The following UMAD1 variants were observed in gnomAD, a reference collection of about 807,000 sequenced individuals.
UMAD1 encodes UBAP1-MVB12-associated (UMA)-domain containing protein 1.
Under a neutral mutation model 6.1 loss-of-function variants are expected in UMAD1, and 8 were observed. The ratio of observed to expected loss-of-function variants is 1.30; its 90% CI spans 0.76 to 2.35. UMAD1 has a LOEUF of 2.35. UMAD1 is among the 30% of genes most tolerant of loss of function. The pLI, the probability that UMAD1 is intolerant of heterozygous loss-of-function variation, is 0.00. For synonymous variants in UMAD1, 56 were observed against 31.4 expected (o/e 1.78, Z -2.61); for missense variants, 130 against 78.4 (o/e 1.66, Z -2.49).
At chr7:7,756,959 A>C (rs1583802563) in intron 2 of UMAD1, among the ~76,000 whole-genome samples, 1 of 152,226 alleles carries the variant, frequency 6.6e-6, no homozygotes, top group Admixed American at 6.5e-5. Flanking sequence ...CTGAGAGGGA[A>C]GTACCAGTTT....
rs1290111075 is a variant in UMAD1 at position 7,737,996 on chromosome 7, A to G, written c.83-63674A>G. ...ACTTTGTCCTGCTAGTCACCTTAAA[A>G]CAGACAGCATAACCTAGTTTTTCAT... On this transcript the variant is annotated intron_variant, in intron 2 of 3. Coordinates refer to ENST00000682710, the MANE Select transcript of UMAD1 (RefSeq NM_001302348.2). Among the ~76,000 whole-genome samples, 4 of 152,336 alleles carry G rather than the reference A, an allele frequency of 2.6e-5. No individual in the cohort carries two copies. The East Asian group carries it at 7.7e-4, about 29-fold the overall frequency.
Position 7,764,618 on chromosome 7 carries a change from T to C in UMAD1, c.83-37052T>C, listed in dbSNP as rs192973434. Among the ~76,000 whole-genome samples, 4 of 152,320 alleles carry C rather than the reference T, an allele frequency of 2.6e-5. No homozygotes were observed. The East Asian group carries it at 7.7e-4, about 29-fold the overall frequency. On this transcript the variant is annotated intron_variant, in intron 2 of 3. Transcript: ENST00000682710. Reference sequence around the variant, plus strand: ...GATCACTTGAGGTAAGTTTGGACTGTATGAGGAACTCCATTAGGTAACAGT... The same window carrying C: ...GATCACTTGAGGTAAGTTTGGACTGCATGAGGAACTCCATTAGGTAACAGT...
intron 2 of UMAD1, among the ~76,000 whole-genome samples, chr7:7,687,812 T>C (rs369473452): frequency 5.4e-4 from 83 of 152,354 alleles, no homozygotes; most frequent in African/African-American, 1.9e-3. Context: ...GTGTTACTGA[T>C]TTAAAGGAGT....
intron 2 of UMAD1, among the ~76,000 whole-genome samples, chr7:7,749,684 G>T (rs1055305515): frequency 6.6e-6 from 1 of 152,046 alleles, no homozygotes; most frequent in Non-Finnish European, 1.5e-5. Flanking sequence ...GTTGATATTT[G>T]CTGTGATCTA....
intron 3 of UMAD1, among the ~76,000 whole-genome samples, chr7:7,838,883 G>A (rs1370027715): frequency 6.6e-6 from 1 of 152,068 alleles, no homozygotes; most frequent in African/African-American, 2.4e-5. Flanking sequence ...AAAGCTATCC[G>A]ATATATTATT....
intron 2 of UMAD1, among the ~76,000 whole-genome samples, chr7:7,778,226 T>TTGTGTGTGTGTGTG (rs61647575): frequency 7.9e-6 from 1 of 126,396 alleles, no homozygotes; most frequent in Non-Finnish European, 1.6e-5. Context: ...AAAACTGGTT[T>TTGTGTGTGTGTGTG]TGTGTGTGTG....
At chr7:7,682,538 A>G (rs1424758756) in intron 2 of UMAD1, among the ~76,000 whole-genome samples, 1 of 152,172 alleles carries the variant, frequency 6.6e-6, no homozygotes, top group African/African-American at 2.4e-5. Flanking sequence ...CATTCTAAGG[A>G]ATGAGGGACA....
At chr7:7,815,394 T>C (rs893213681) in intron 3 of UMAD1, among the ~76,000 whole-genome samples, 4 of 152,204 alleles carry the variant, frequency 2.6e-5, no homozygotes, top group Admixed American at 1.3e-4. Flanking sequence ...TTAAAAATCA[T>C]GCCAGAGTAG....
intron 1 of UMAD1, among the ~76,000 whole-genome samples, chr7:7,654,977 A>G (rs1464416270): frequency 6.6e-6 from 1 of 151,780 alleles, no homozygotes; most frequent in Non-Finnish European, 1.5e-5. Flanking sequence ...TTTGCTTCAT[A>G]GTAGGATTGC....
At chr7:7,840,787 A>G (rs1365529953) in intron 3 of UMAD1, among the ~76,000 whole-genome samples, 5 of 152,224 alleles carry the variant, frequency 3.3e-5, no homozygotes, top group South Asian at 2.1e-4. Context: ...CTAGTTTTAG[A>G]TGATCATCAA....
At chr7:7,713,401 T>G (rs1437397104) in intron 2 of UMAD1, among the ~76,000 whole-genome samples, 1 of 151,604 alleles carries the variant, frequency 6.6e-6, no homozygotes, top group African/African-American at 2.4e-5. Flanking sequence ...AGACAGAGTT[T>G]TTTTTTTTTT....
At chr7:7,726,783 G>A (rs1563158403) in intron 2 of UMAD1, among the ~76,000 whole-genome samples, 1 of 152,188 alleles carries the variant, frequency 6.6e-6, no homozygotes, top group Non-Finnish European at 1.5e-5. Flanking sequence ...ATTGCCAGCT[G>A]TACCCTTTGG....
At chr7:7,665,066 C>T (rs571104445) in intron 1 of UMAD1, among the ~76,000 whole-genome samples, 1 of 152,194 alleles carries the variant, frequency 6.6e-6, no homozygotes, top group African/African-American at 2.4e-5. Context: ...TGTCTATAGA[C>T]AGTAGCTGCA....
At chr7:7,699,342 A>C (rs1780401411) in intron 2 of UMAD1, among the ~76,000 whole-genome samples, 1 of 152,134 alleles carries the variant, frequency 6.6e-6, no homozygotes, top group Non-Finnish European at 1.5e-5. Context: ...TGCTTTAATC[A>C]CTCATAAACT....
intron 3 of UMAD1, among the ~76,000 whole-genome samples, chr7:7,818,825 C>T (rs138013183): frequency 2.1e-3 from 316 of 152,228 alleles, no homozygotes; most frequent in Middle Eastern, 0.01. Context: ...TTTGTAGAGA[C>T]AGGGTTTTGC....
At chr7:7,701,394 A>G (rs1047833993) in intron 2 of UMAD1, among the ~76,000 whole-genome samples, 5 of 141,386 alleles carry the variant, frequency 3.5e-5, no homozygotes, top group Middle Eastern at 3.4e-3. Flanking sequence ...CAGACAATCT[A>G]TGTGACATTT....
intron 2 of UMAD1, among the ~76,000 whole-genome samples, chr7:7,703,957 A>T (rs1054437841): frequency 1.3e-5 from 2 of 152,092 alleles, no homozygotes; most frequent in Non-Finnish European, 2.9e-5. Context: ...GAAAGAAAGA[A>T]GGAAGGAAGG....
intron 3 of UMAD1, among the ~76,000 whole-genome samples, chr7:7,809,146 CTG>C: frequency 6.6e-6 from 1 of 151,874 alleles, no homozygotes. Context: ...ACAATAAAAA[CTG>C]TTTTGCTAAA....
intron 2 of UMAD1, among the ~76,000 whole-genome samples, chr7:7,693,319 C>CTATT (rs1780223808): frequency 6.6e-6 from 1 of 151,986 alleles, no homozygotes; most frequent in African/African-American, 2.4e-5. Context: ...ATCTATCTAT[C>CTATT]TATCTATCTA....
Sources: gnomAD v4.1 joint callset for allele counts (sites outside exome capture counted in the v4.1 genomes callset) on GRCh38, gnomAD v4.1.1 for gene constraint, MANE v1.5 for transcripts, NCBI Gene and HGNC (gene_info 2026-07-23, HGNC 2026-07-21) for gene names.